The following MCF2L2 variants were observed in gnomAD, a reference collection of about 807,000 sequenced individuals.
The protein encoded by MCF2L2 is probable guanine nucleotide exchange factor MCF2L2.
Under a neutral mutation model 150.2 loss-of-function variants are expected in MCF2L2, and 102 were observed. The observed-to-expected ratio is 0.68, with a 90% CI of 0.58 to 0.80. The LOEUF is 0.80. Among genes scored for constraint, MCF2L2 ranks in the 30% least tolerant of loss-of-function variants. The probability of loss-of-function intolerance (pLI) is 0.00; values close to 1 mark genes in which losing one functional copy is unlikely to be tolerated. For synonymous variants in MCF2L2, 465 were observed against 491.3 expected (o/e 0.95, Z 0.71); for missense variants, 1,256 against 1,372.8 (o/e 0.91, Z 1.34).
intron 1 of MCF2L2, among the ~76,000 whole-genome samples, chr3:183,396,820 C>T (rs948868828): frequency 1.3e-5 from 2 of 151,974 alleles, no homozygotes; most frequent in Non-Finnish European, 2.9e-5. Context: ...GACAGAGAAA[C>T]AGAGGAAGAC....
intron 15 of MCF2L2, among the ~76,000 whole-genome samples, chr3:183,274,845 C>T (rs1166886472): frequency 6.6e-6 from 1 of 152,182 alleles, no homozygotes; most frequent in African/African-American, 2.4e-5. Context: ...GCTTTCATTA[C>T]AATATTCCTT....
At chr3:183,342,854 G>A (rs1311903108) in intron 3 of MCF2L2, among the ~76,000 whole-genome samples, 1 of 152,034 alleles carries the variant, frequency 6.6e-6, no homozygotes, top group Non-Finnish European at 1.5e-5. Flanking sequence ...CTTCAATTTT[G>A]GGTAAAAGGT....
intron 17 of MCF2L2, among the ~76,000 whole-genome samples, chr3:183,228,570 C>CT (rs1003033397): frequency 1.8e-4 from 27 of 152,188 alleles, no homozygotes; most frequent in African/African-American, 6.5e-4. Context: ...TCACTCACAA[C>CT]TTTAAGTTGT....
intron 1 of MCF2L2, among the ~76,000 whole-genome samples, chr3:183,411,210 A>G (rs1715301282): frequency 6.6e-6 from 1 of 152,206 alleles, no homozygotes; most frequent in Non-Finnish European, 1.5e-5. Flanking sequence ...TCAGTGTGTT[A>G]AATTCCAAAA....
chr3:183,227,088 A>G lies in MCF2L2; in HGVS notation c.2115+1209T>C, dbSNP rs776290248. 1.4e-4 allele frequency: 22 copies of G among 152,242 alleles called. No homozygotes were observed. Among genetic ancestry groups the G allele is most frequent in the Non-Finnish European group, 8.8e-5 (6 of 68,048 alleles). 9.4% of individuals were successfully genotyped at this position (152,242 alleles called of 1,614,324 possible). ...TCAGTCATAATATGAGTTGCTTACA[A>G]CTTTAAGTTGTTTGATCTGTTGCCT... is the stretch of plus-strand genomic sequence containing the variant. On this transcript the variant is annotated intron_variant, in intron 18 of 29. Transcript: ENST00000328913. This position sits in a 1 kb window ranked among gnomAD's most constrained non-coding sequence, Gnocchi z 4.0.
chr3:183,290,573 C>T (rs149300513), intron 13 of MCF2L2, among the ~76,000 whole-genome samples: 2,940 of 151,514 alleles, frequency 0.019, 57 homozygotes, highest in East Asian at 0.051. Flanking sequence ...CTCGCTCTGT[C>T]GCCAGGCTGG....
intron 15 of MCF2L2, among the ~76,000 whole-genome samples, chr3:183,243,671 T>C (rs866529619): frequency 6.6e-6 from 1 of 152,216 alleles, no homozygotes; most frequent in African/African-American, 2.4e-5. Flanking sequence ...GTATTATGTA[T>C]AGAGTCATTA....
intron 15 of MCF2L2, among the ~76,000 whole-genome samples, chr3:183,239,579 C>T (rs1293669859): frequency 6.6e-6 from 1 of 151,968 alleles, no homozygotes; most frequent in Non-Finnish European, 1.5e-5. Flanking sequence ...CCCTGTCACC[C>T]CCCCTTCCCC....
At chr3:183,311,448 G>A (rs1577054439) in intron 8 of MCF2L2, among the ~76,000 whole-genome samples, 200 bp downstream of exon 8, 2 of 152,130 alleles carry the variant, frequency 1.3e-5, no homozygotes, top group African/African-American at 4.8e-5. Context: ...GAAGAGGGGG[G>A]AATAGAATGC....
chr3:183,256,296 G>A (rs1394208224), intron 15 of MCF2L2, among the ~76,000 whole-genome samples: 4 of 152,162 alleles, frequency 2.6e-5, no homozygotes, highest in Non-Finnish European at 5.9e-5. Context: ...CTCTGTGAGC[G>A]AAGATGTAAC....
At chr3:183,325,088 A>T (rs1273254636) in intron 5 of MCF2L2, among the ~76,000 whole-genome samples, 1 of 118,922 alleles carries the variant, frequency 8.4e-6, no homozygotes, top group Non-Finnish European at 1.6e-5. Flanking sequence ...GGACACGGGA[A>T]GGGGAACATC....
chr3:183,270,237 G>A lies in MCF2L2; in HGVS notation c.1862+6635C>T. On this transcript the variant is annotated intron_variant, in intron 15 of 29. Coordinates refer to ENST00000328913, the MANE Select transcript of MCF2L2 (RefSeq NM_015078.4). The surrounding 1 kb of genome is among the most constrained non-coding windows in gnomAD (Gnocchi z 4.5). The stretch of plus-strand genomic sequence containing the variant: ...GGGAGAAGAACTACAAAGAAAACTG[G>A]CTTGGGAAGATCAAAGGTACAATGA... 1 of 1,614,138 alleles carries A rather than the reference G, an allele frequency of 6.2e-7. No homozygotes were observed. The highest frequency in any genetic ancestry group is 1.1e-5 in the South Asian group (1 of 91,080).
intron 13 of MCF2L2, among the ~76,000 whole-genome samples, chr3:183,294,331 A>G (rs957200450): frequency 6.6e-6 from 1 of 150,420 alleles, no homozygotes; most frequent in South Asian, 2.1e-4. Context: ...TTATTATGTT[A>G]TTATTATGAT....
intron 1 of MCF2L2, among the ~76,000 whole-genome samples, chr3:183,395,642 G>A (rs796976270): frequency 1.4e-4 from 21 of 152,258 alleles, no homozygotes; most frequent in African/African-American, 5.1e-4. Flanking sequence ...TATTCGGCGG[G>A]GTGCAGTGGC....
At chr3:183,339,000 C>A in intron 4 of MCF2L2, 81 bp from the exon 5 acceptor site, 1 of 1,388,272 alleles carries the variant, frequency 7.2e-7, no homozygotes, top group Non-Finnish European at 9.7e-7. Flanking sequence ...TCTCCCCTTG[C>A]CCAAGATTAA....
intron 13 of MCF2L2, among the ~76,000 whole-genome samples, chr3:183,293,333 T>C (rs554834299): frequency 6.6e-6 from 1 of 152,256 alleles, no homozygotes; most frequent in Non-Finnish European, 1.5e-5. Context: ...ATGTGCTTAA[T>C]GACAGAGGTC....
chr3:183,226,801 C>A (rs985719985), intron 18 of MCF2L2: 1 of 152,044 alleles, frequency 6.6e-6, no homozygotes, highest in Non-Finnish European at 1.5e-5. Flanking sequence ...TTGTTAAGTG[C>A]AAAAATTCAA....
intron 18 of MCF2L2, 168 bp from the exon 19 acceptor site, chr3:183,224,358 T>G: frequency 1.8e-6 from 1 of 566,820 alleles, no homozygotes; most frequent in Non-Finnish European, 3.1e-6. Flanking sequence ...GATGGAGAGA[T>G]AAACAGAAGG....
intron 5 of MCF2L2, among the ~76,000 whole-genome samples, chr3:183,329,484 G>C (rs1269109241): frequency 6.6e-6 from 1 of 152,190 alleles, no homozygotes; most frequent in African/African-American, 2.4e-5. Flanking sequence ...ACCATGTTTG[G>C]CTGCAGCTTT....
Sources: gnomAD v4.1 joint callset for allele counts (sites outside exome capture counted in the v4.1 genomes callset) on GRCh38, gnomAD v4.1.1 for gene constraint, Gnocchi (gnomAD v3.1) non-coding constraint, MANE v1.5 for transcripts, NCBI Gene and HGNC (gene_info 2026-07-23, HGNC 2026-07-21) for gene names.